The following DENND2B variants were observed in gnomAD, a reference collection of about 807,000 sequenced individuals.
DENND2B encodes DENN domain-containing protein 2B.
DENND2B carries 32 observed loss-of-function variants against 116.0 expected under a neutral mutation model. The ratio of observed to expected loss-of-function variants is 0.28; its 90% CI spans 0.21 to 0.37. The LOEUF is 0.37. Among genes scored for constraint, DENND2B ranks in the 10% least tolerant of loss-of-function variants. The pLI is 1.00. For missense variants in DENND2B, 1,276 were observed against 1,477.7 expected, an observed-to-expected ratio of 0.86 and a Z score of 2.24; for synonymous variants, 588 against 583.9, an observed-to-expected ratio of 1.01 and a Z score of -0.10.
chr11:8,707,982 T>G lies in DENND2B; in HGVS notation c.2353-128A>C. On this transcript the variant is annotated intron_variant, in intron 11 of 19. Coordinates refer to ENST00000313726, the MANE Select transcript of DENND2B (RefSeq NM_213618.2). The surrounding 1 kb of genome is among the most constrained non-coding windows in gnomAD (Gnocchi z 4.8). ...TTCTAGTGGAGGAAGACTTTAAGCC[T>G]CCTCTAAACCTCTCTGCAACCAGAG... The G allele has an allele frequency of 6.5e-7, 1 of 1,532,602 alleles. No individual in the cohort carries two copies. The highest frequency in any genetic ancestry group is 8.7e-7 in the Non-Finnish European group (1 of 1,144,522). The allele number at this position is 1,532,602 out of a possible 1,614,324, so 94.9% of individuals were successfully genotyped here.
At chr11:8,738,130 G>A (rs145396793) in intron 2 of DENND2B, among the ~76,000 whole-genome samples, 38 of 152,260 alleles carry the variant, frequency 2.5e-4, no homozygotes, top group African/African-American at 7.2e-4. Flanking sequence ...GGAATAACAC[G>A]CTTGAGTAGG....
At chr11:8,870,186 T>C (rs1353201950) in intron 2 of DENND2B, among the ~76,000 whole-genome samples, 1 of 152,128 alleles carries the variant, frequency 6.6e-6, no homozygotes, top group Non-Finnish European at 1.5e-5. Flanking sequence ...CTAAGGCAAA[T>C]TTTCTCACTT....
chr11:8,838,390 G>A (rs1036907173), intron 4 of DENND2B, among the ~76,000 whole-genome samples: 16 of 152,180 alleles, frequency 1.1e-4, no homozygotes, highest in Admixed American at 2.0e-4. Context: ...CCAATTCTCC[G>A]AACTCACGTC....
chr11:8,723,333 G>A (rs924204361), intron 4 of DENND2B, among the ~76,000 whole-genome samples: 9 of 152,178 alleles, frequency 5.9e-5, no homozygotes, highest in African/African-American at 1.7e-4. Context: ...TTTGAGAAAG[G>A]GACGGCTTCA....
intron 2 of DENND2B, among the ~76,000 whole-genome samples, chr11:8,743,662 G>C (rs567472330): frequency 1.7e-4 from 26 of 152,194 alleles, no homozygotes; most frequent in Middle Eastern, 3.4e-3. Flanking sequence ...CCTCTCTGAA[G>C]ACAGTAAGGC....
chr11:8,866,340 CA>C (rs2063580505), intron 2 of DENND2B, among the ~76,000 whole-genome samples: 1 of 152,134 alleles, frequency 6.6e-6, no homozygotes, highest in Non-Finnish European at 1.5e-5. Flanking sequence ...TGACAAGTAC[CA>C]AATACAAAAA....
At chr11:8,836,192 A>AAAG in intron 4 of DENND2B, among the ~76,000 whole-genome samples, 1 of 3,488 alleles carries the variant, frequency 2.9e-4, no homozygotes, top group African/African-American at 3.0e-4. Context: ...CTAAAAATAC[A>AAAG]AAAAAAAAAA....
At chr11:8,879,602 A>T (rs1239293285) in intron 2 of DENND2B, among the ~76,000 whole-genome samples, 1 of 152,200 alleles carries the variant, frequency 6.6e-6, no homozygotes, top group Non-Finnish European at 1.5e-5. Flanking sequence ...GTCAAAAATC[A>T]CCCAAAGAGA....
intron 2 of DENND2B, among the ~76,000 whole-genome samples, chr11:8,859,739 T>C (rs1021441278): frequency 6.6e-6 from 1 of 152,220 alleles, no homozygotes; most frequent in Admixed American, 6.5e-5. Context: ...ATAAGTTATA[T>C]CCTCAGCACT....
chr11:8,767,438 T>C (rs564620328), intron 1 of DENND2B, among the ~76,000 whole-genome samples: 7 of 152,316 alleles, frequency 4.6e-5, no homozygotes, highest in African/African-American at 1.7e-4. Flanking sequence ...GAAGAAGTTT[T>C]AATTCTTAAA....
intron 1 of DENND2B, among the ~76,000 whole-genome samples, chr11:8,909,231 C>A (rs541027812): frequency 6.6e-6 from 1 of 152,040 alleles, no homozygotes; most frequent in Admixed American, 6.6e-5. Flanking sequence ...CCTGTCTCTA[C>A]GAAACATTTA....
intron 1 of DENND2B, among the ~76,000 whole-genome samples, chr11:8,884,473 C>T (rs1420021446): frequency 1.3e-5 from 2 of 152,042 alleles, no homozygotes; most frequent in South Asian, 2.1e-4. Flanking sequence ...AGTGTAGGCA[C>T]GAGCCACCAC....
intron 1 of DENND2B, among the ~76,000 whole-genome samples, chr11:8,751,423 C>G (rs2052460449): frequency 6.6e-6 from 1 of 152,114 alleles, no homozygotes; most frequent in Non-Finnish European, 1.5e-5. Flanking sequence ...CACTCGGGTC[C>G]CCTTCCACAC....
intron 2 of DENND2B, among the ~76,000 whole-genome samples, chr11:8,748,988 C>G (rs1294156445): frequency 1.3e-5 from 2 of 152,156 alleles, no homozygotes; most frequent in East Asian, 3.9e-4. Flanking sequence ...ATGGTAATCT[C>G]CATTTCAGGT....
intron 1 of DENND2B, among the ~76,000 whole-genome samples, chr11:8,883,705 T>C (rs2063927624): frequency 6.6e-6 from 1 of 152,160 alleles, no homozygotes. Context: ...GAACAAAGAA[T>C]ACAATTTTAT....
intron 2 of DENND2B, among the ~76,000 whole-genome samples, chr11:8,742,091 G>T (rs1262890456): frequency 1.3e-5 from 2 of 152,122 alleles, no homozygotes; most frequent in African/African-American, 4.8e-5. Context: ...GTAGAGACAG[G>T]GTCTTGCTAT....
intron 1 of DENND2B, among the ~76,000 whole-genome samples, chr11:8,797,777 A>G (rs1196464163): frequency 6.6e-6 from 1 of 151,782 alleles, no homozygotes; most frequent in Non-Finnish European, 1.5e-5. Flanking sequence ...ATTCTTCTCC[A>G]TCAGATTCAA....
At chr11:8,876,611 T>C (rs1297209968) in intron 2 of DENND2B, among the ~76,000 whole-genome samples, 1 of 152,108 alleles carries the variant, frequency 6.6e-6, no homozygotes, top group Non-Finnish European at 1.5e-5. Context: ...GTACAGGGGC[T>C]CATGCCTGTA....
At chr11:8,823,832 T>TG (rs1358260593) in intron 4 of DENND2B, among the ~76,000 whole-genome samples, 2 of 152,192 alleles carry the variant, frequency 1.3e-5, no homozygotes, top group African/African-American at 4.8e-5. Flanking sequence ...AAATCCCACT[T>TG]GATCATGGTA....
Sources: gnomAD v4.1 joint callset for allele counts (sites outside exome capture counted in the v4.1 genomes callset) on GRCh38, gnomAD v4.1.1 for gene constraint, Gnocchi (gnomAD v3.1) non-coding constraint, MANE v1.5 for transcripts, NCBI Gene and HGNC (gene_info 2026-07-23, HGNC 2026-07-21) for gene names.